Variants in RGS12 observed in about 807,000 individuals in gnomAD.
The protein encoded by RGS12 is regulator of G protein signaling 12.
Under a neutral mutation model 120.1 loss-of-function variants are expected in RGS12, and 66 were observed. The ratio of observed to expected loss-of-function variants is 0.55; its 90% CI spans 0.45 to 0.67. RGS12 has a LOEUF of 0.67. RGS12 is among the 30% of genes least tolerant of loss of function. The probability of loss-of-function intolerance (pLI) is 0.00; values close to 1 mark genes in which losing one functional copy is unlikely to be tolerated. For synonymous variants in RGS12, 827 were observed against 804.7 expected, an observed-to-expected ratio of 1.03 and a Z score of -0.47; for missense variants, 1,859 against 1,957.7, an observed-to-expected ratio of 0.95 and a Z score of 0.95.
chr4:3,310,741 G>T (rs1455395259), intron 1 of RGS12, among the ~76,000 whole-genome samples: 1 of 152,094 alleles, frequency 6.6e-6, no homozygotes, highest in Admixed American at 6.5e-5. Flanking sequence ...GGTGGTGGTG[G>T]GGGGAGGCTG....
chr4:3,406,226 G>T (rs1721106504), intron 4 of RGS12, among the ~76,000 whole-genome samples: 1 of 152,244 alleles, frequency 6.6e-6, no homozygotes. Flanking sequence ...CTCAGAGCCT[G>T]CACCCACGCC....
intron 17 of RGS12, 111 bp from the exon 18 acceptor site, chr4:3,439,344 T>C (rs937596463): frequency 2.7e-6 from 3 of 1,105,438 alleles, no homozygotes; most frequent in African/African-American, 1.5e-5. Flanking sequence ...TTTGGGATAT[T>C]TCAGGGACCC....
intron 2 of RGS12, among the ~76,000 whole-genome samples, chr4:3,318,935 C>T (rs1724996805): frequency 6.6e-6 from 1 of 152,224 alleles, no homozygotes; most frequent in African/African-American, 2.4e-5. Context: ...AGAGAAACTA[C>T]TCCGGCTGTT....
chr4:3,378,738 C>T (rs958843948), intron 3 of RGS12: 1 of 152,138 alleles, frequency 6.6e-6, no homozygotes, highest in Non-Finnish European at 1.5e-5. Flanking sequence ...TGGTTGTTAT[C>T]AGAAAGGCAA....
At chr4:3,294,001 C>T (rs1357525575) in intron 1 of RGS12, among the ~76,000 whole-genome samples, 1 of 152,270 alleles carries the variant, frequency 6.6e-6, no homozygotes, top group African/African-American at 2.4e-5. Flanking sequence ...ACAGAGGGGG[C>T]CCAGAGCCGT....
At chr4:3,381,326 A>T (rs186410998) in intron 3 of RGS12, among the ~76,000 whole-genome samples, 2 of 152,024 alleles carry the variant, frequency 1.3e-5, no homozygotes, top group Admixed American at 6.5e-5. Flanking sequence ...AACAGTTCCA[A>T]CCTCTGCCTG....
At chr4:3,420,794 T>G (rs1177289607) in intron 10 of RGS12, 76 bp downstream of exon 10, 1 of 1,207,518 alleles carries the variant, frequency 8.3e-7, no homozygotes, top group African/African-American at 1.5e-5. Context: ...CTCTCTCCCA[T>G]GGAAACCTGT....
At chr4:3,421,449 C>A (rs978559939) in intron 10 of RGS12, among the ~76,000 whole-genome samples, 10 of 152,236 alleles carry the variant, frequency 6.6e-5, no homozygotes, top group African/African-American at 2.4e-4. Flanking sequence ...TCCGCACCCC[C>A]AAACTCAGAG....
chr4:3,355,794 CAAAAAAAA>C (rs372490658), intron 3 of RGS12, among the ~76,000 whole-genome samples: 1 of 58,086 alleles, frequency 1.7e-5, no homozygotes, highest in African/African-American at 6.2e-5. Context: ...GACCTTGTCT[CAAAAAAAA>C]AAAAAAAAAA....
Position 3,420,723 on chromosome 4 carries a change from G to A in RGS12, c.2838+5G>A, listed in dbSNP as rs1484071679. On this transcript the variant is annotated splice_donor_5th_base_variant and intron_variant, in intron 10 of 17. Transcript: ENST00000336727. ...TCTGCGGGGAGCCTGGACCTGGTGA[G>A]TCACTGTCTCCCCTCGTCCCACAGG... 1.9e-6 allele frequency: 3 copies of A among 1,610,990 alleles called. No homozygotes were observed. Among genetic ancestry groups the A allele is most frequent in the Non-Finnish European group, 2.5e-6 (3 of 1,179,714 alleles).
At chr4:3,418,871 C>G (rs1461749245) in intron 9 of RGS12, 1 of 152,048 alleles carries the variant, frequency 6.6e-6, no homozygotes, top group East Asian at 1.9e-4. Flanking sequence ...CCTGGCAGAT[C>G]TGCAAAGGGC....
upstream of RGS12, among the ~76,000 whole-genome samples, chr4:3,288,767 C>T (rs888637839): frequency 1.3e-5 from 2 of 152,196 alleles, no homozygotes; most frequent in Admixed American, 6.5e-5. The surrounding 1 kb of genome is among the most constrained non-coding windows in gnomAD (Gnocchi z 5.2). Flanking sequence ...GGACTCTGGG[C>T]CTTTGCACCG....
intron 1 of RGS12, among the ~76,000 whole-genome samples, chr4:3,294,703 G>C (rs1243636886): frequency 1.3e-5 from 2 of 152,184 alleles, no homozygotes; most frequent in African/African-American, 4.8e-5. Flanking sequence ...AAAACTGCAA[G>C]TCCAGCCTTA....
intron 3 of RGS12, among the ~76,000 whole-genome samples, chr4:3,361,009 C>A (rs1454513021): frequency 6.6e-6 from 1 of 152,208 alleles, no homozygotes; most frequent in East Asian, 1.9e-4. Flanking sequence ...AAGATCCCTA[C>A]ACGGAAGCAG....
At position 3,365,126 on chromosome 4, in the gene RGS12, C is replaced by G. The variant is rs1462964474; in HGVS notation, c.1999-21290C>G. ...TTGGAGCCAGGAGCCTGGGCTGGAG[C>G]CTGGGAGAGACCTGGACTCAGGGAC... On this transcript the variant is annotated intron_variant, in intron 3 of 17. Transcript: ENST00000336727. The surrounding 1 kb of genome is among the most constrained non-coding windows in gnomAD (Gnocchi z 4.0). 2.6e-5 allele frequency among the ~76,000 whole-genome samples: 4 copies of G among 152,082 alleles called. No homozygotes were observed.
intron 2 of RGS12, among the ~76,000 whole-genome samples, chr4:3,338,308 C>T (rs909616207): frequency 3.3e-5 from 5 of 152,264 alleles, no homozygotes; most frequent in African/African-American, 1.2e-4. Flanking sequence ...GGTCCACCCG[C>T]CTCGGCCTCC....
At position 3,433,830 on chromosome 4, in the gene RGS12, C is replaced by A. The variant is rs1053327657; in HGVS notation, c.4114+2875C>A. 6.6e-6 allele frequency among the ~76,000 whole-genome samples: 1 copy of A among 152,156 alleles called. No homozygotes were observed. Among genetic ancestry groups the A allele is most frequent in the Non-Finnish European group, 1.5e-5 (1 of 68,020 alleles). On this transcript the variant is annotated intron_variant, in intron 17 of 17. Transcript: ENST00000336727. This position sits in a 1 kb window ranked among gnomAD's most constrained non-coding sequence, Gnocchi z 4.4. ...GAGACCATGCACCATGCAGGCTGGC[C>A]GGTGCCCCCATGCATGTCTGGTCCC...
intron 3 of RGS12, among the ~76,000 whole-genome samples, chr4:3,357,171 A>G (rs1714972963): frequency 6.6e-6 from 1 of 152,132 alleles, no homozygotes; most frequent in Non-Finnish European, 1.5e-5. Flanking sequence ...GGCTATTTGC[A>G]TATTTTCTTT....
At chr4:3,432,486 C>G (rs565373746) in intron 17 of RGS12, among the ~76,000 whole-genome samples, 48 of 152,350 alleles carry the variant, frequency 3.2e-4, no homozygotes, top group African/African-American at 1.1e-3. Flanking sequence ...AGCCCTGGGG[C>G]TGTGGCTGGC....
Sources: gnomAD v4.1 joint callset for allele counts (sites outside exome capture counted in the v4.1 genomes callset) on GRCh38, gnomAD v4.1.1 for gene constraint, Gnocchi (gnomAD v3.1) non-coding constraint, MANE v1.5 for transcripts, NCBI Gene and HGNC (gene_info 2026-07-23, HGNC 2026-07-21) for gene names.